Variants in PCNX2 observed in about 807,000 individuals in gnomAD.
PCNX2 encodes pecanex-like protein 2.
Under a neutral mutation model 223.8 loss-of-function variants are expected in PCNX2, and 168 were observed. The ratio of observed to expected loss-of-function variants is 0.75; its 90% confidence interval spans 0.66 to 0.85. The LOEUF is 0.85. PCNX2 is among the 40% of genes least tolerant of loss of function. The pLI, the probability that PCNX2 is intolerant of heterozygous loss-of-function variation, is 0.00. For synonymous variants in PCNX2, 1,006 were observed against 1,052.6 expected (o/e 0.96, Z 0.86); for missense variants, 2,507 against 2,675.5 (o/e 0.94, Z 1.39).
chr1:233,120,517 C>T (rs560658967), intron 21 of PCNX2, among the ~76,000 whole-genome samples: 2 of 152,164 alleles, frequency 1.3e-5, no homozygotes, highest in African/African-American at 4.8e-5. Context: ...AATGGTATAG[C>T]CACTCTGGCA....
chr1:233,078,558 T>G (rs1673204101), intron 23 of PCNX2, among the ~76,000 whole-genome samples: 1 of 152,226 alleles, frequency 6.6e-6, no homozygotes. Context: ...TCTGCCCTCC[T>G]GCTGTACAAG....
intron 8 of PCNX2, among the ~76,000 whole-genome samples, chr1:233,243,089 C>A (rs1658873970): frequency 6.6e-6 from 1 of 152,230 alleles, no homozygotes; most frequent in African/African-American, 2.4e-5. Context: ...AAGAACCGCA[C>A]TGGTTCCCAC....
At chr1:233,198,502 T>C (rs555271264) in intron 15 of PCNX2, among the ~76,000 whole-genome samples, 2 of 152,334 alleles carry the variant, frequency 1.3e-5, no homozygotes, top group South Asian at 2.1e-4. Context: ...GGTAAGTCTA[T>C]AGTCCCTCTG....
chr1:233,204,142 C>G (rs59398680), intron 13 of PCNX2, among the ~76,000 whole-genome samples: 19,817 of 152,102 alleles, frequency 0.13, 1,425 homozygotes, highest in East Asian at 0.22. Flanking sequence ...TAGGGTCCAT[C>G]TGGACCCTAA....
rs1679572643 is a variant in PCNX2, at chr1:233,177,888, G to A, written c.3187C>T (p.Gln1063Ter). ...SDPSVLMSFI[Q>*]CRLFPKFLHQ... ...AAAAATTTAGGAAACAGCCTGCATTGGATGAAGGACCTGAAAGTGGAAAAA... is the reference window on the plus strand; with the variant it reads ...AAAAATTTAGGAAACAGCCTGCATTAGATGAAGGACCTGAAAGTGGAAAAA... Residue 1063 changes from glutamine (Q) to a stop codon, truncating the protein, a stop_gained, in exon 17 of 34, where the codon CAA (glutamine) becomes TAA (stop). Coordinates refer to ENST00000258229, the MANE Select transcript of PCNX2 (RefSeq NM_014801.4). LOFTEE classifies it high-confidence loss of function. The A allele has an allele frequency of 1.2e-6, 2 of 1,613,392 alleles. No homozygotes were observed. The highest frequency in any genetic ancestry group is 8.5e-7 in the Non-Finnish European group (1 of 1,179,530).
At chr1:233,129,183 G>C (rs1676284451) in intron 21 of PCNX2, among the ~76,000 whole-genome samples, 2 of 152,252 alleles carry the variant, frequency 1.3e-5, no homozygotes, top group African/African-American at 4.8e-5. Context: ...TAGAGTTCCG[G>C]ATGGGCGTGG....
At chr1:233,293,411 C>T (rs1342256416) in intron 1 of PCNX2, among the ~76,000 whole-genome samples, 1 of 152,076 alleles carries the variant, frequency 6.6e-6, no homozygotes, top group Non-Finnish European at 1.5e-5. Context: ...AAGGAAAAAC[C>T]AAGATGAATA....
At chr1:233,215,741 G>C (rs1682086299) in intron 12 of PCNX2, among the ~76,000 whole-genome samples, 1 of 152,120 alleles carries the variant, frequency 6.6e-6, no homozygotes, top group South Asian at 2.1e-4. Flanking sequence ...TGGCATCTAG[G>C]GTGGGCTTGA....
Position 233,258,035 on chromosome 1 carries a change from A to G in PCNX2, c.1827T>C (p.Leu609=). The part of the protein sequence containing the change: ...GSAEQNEESG[L]LRDNCSQEKK... ...AATGACATGGAATCGCACCTCGGAG[A>G]AGCCCACTTTCTTCATTCTGCTCAG... The change falls in exon 5 of 34, where the codon CTT becomes CTC. Residue 609 remains leucine (L), a synonymous_variant. Transcript: ENST00000258229. 1 of 1,610,198 alleles carries G rather than the reference A, an allele frequency of 6.2e-7. No individual in the cohort carries two copies. Among genetic ancestry groups the G allele is most frequent in the Middle Eastern group, 1.7e-4 (1 of 6,046 alleles).
intron 25 of PCNX2, among the ~76,000 whole-genome samples, chr1:233,025,998 T>C (rs544236777): frequency 8.5e-5 from 13 of 152,322 alleles, no homozygotes; most frequent in African/African-American, 3.1e-4. Flanking sequence ...TCACCAAATA[T>C]TGAGTGCATC....
intron 1 of PCNX2, among the ~76,000 whole-genome samples, chr1:233,293,612 C>T (rs1661899433): frequency 6.6e-6 from 1 of 152,146 alleles, no homozygotes; most frequent in South Asian, 2.1e-4. Flanking sequence ...GAAATTAATT[C>T]TAGCTAAATC....
At chr1:233,097,183 A>G (rs1244512286) in intron 21 of PCNX2, among the ~76,000 whole-genome samples, 1 of 152,092 alleles carries the variant, frequency 6.6e-6, no homozygotes, top group African/African-American at 2.4e-5. Flanking sequence ...TGACCTAAAA[A>G]CATGTCTACC....
chr1:233,252,408 A>G lies in PCNX2; in HGVS notation c.2074T>C (p.Ser692Pro), dbSNP rs1659509586. 2 of 1,613,836 alleles carry G rather than the reference A, an allele frequency of 1.2e-6. No homozygotes were observed. The highest frequency in any genetic ancestry group is 1.7e-6 in the Non-Finnish European group (2 of 1,179,728). The change falls in exon 7 of 34, where the codon TCT becomes CCT. Residue 692 changes from serine (S) to proline (P), a missense_variant. Ser to Pro is a moderately conservative substitution (Grantham distance 74). Around this residue, in one of 3 missense-constraint regions of PCNX2, gnomAD observed 1,031 missense variants for 1,021.7 expected, o/e 1.01. Transcript: ENST00000258229. ...VLQVISGPET[S>P]VQEEISVDAM... ...TCCACAGATATCTCTTCTTGTACAG[A>G]TGTTTCAGGCCCACTGATGACTTGC...
chr1:233,068,665 T>C (rs942781577), intron 23 of PCNX2, among the ~76,000 whole-genome samples: 9 of 152,092 alleles, frequency 5.9e-5, no homozygotes, highest in Non-Finnish European at 8.8e-5. Flanking sequence ...AACAATTATT[T>C]ATATATAATG....
At chr1:232,995,554 G>A (rs1431070741) in intron 32 of PCNX2, among the ~76,000 whole-genome samples, 1 of 152,130 alleles carries the variant, frequency 6.6e-6, no homozygotes, top group Non-Finnish European at 1.5e-5. Context: ...AGTAACCTCT[G>A]AGAATTAGGA....
chr1:233,229,861 GA>G (rs1449769872), intron 9 of PCNX2, among the ~76,000 whole-genome samples: 1 of 151,442 alleles, frequency 6.6e-6, no homozygotes, highest in Non-Finnish European at 1.5e-5. Context: ...TCTTTTATGG[GA>G]AAAAAAGGTT....
intron 1 of PCNX2, among the ~76,000 whole-genome samples, chr1:233,264,929 GATT>G (rs1256785069): frequency 6.6e-6 from 1 of 152,154 alleles, no homozygotes; most frequent in Non-Finnish European, 1.5e-5. Flanking sequence ...CGTGAAAACA[GATT>G]ATTGTTATAT....
the PCNX2 span, among the ~76,000 whole-genome samples, chr1:233,324,974 A>T: frequency 6.6e-6 from 1 of 152,212 alleles, no homozygotes; most frequent in Non-Finnish European, 1.5e-5. Context: ...CTCATTGACA[A>T]TGTATCTGGT....
chr1:233,069,653 C>T (rs1272601447), intron 23 of PCNX2, among the ~76,000 whole-genome samples: 1 of 147,832 alleles, frequency 6.8e-6, no homozygotes, highest in Non-Finnish European at 1.5e-5. Flanking sequence ...GAAACACACA[C>T]AAAAAAAAGA....
Sources: allele counts gnomAD v4.1 joint callset (sites outside exome capture counted in the v4.1 genomes callset), GRCh38; gene constraint gnomAD v4.1.1; regional missense constraint gnomAD v4.1.1; transcripts MANE v1.5; gene names NCBI Gene and HGNC (gene_info 2026-07-23, HGNC 2026-07-21).